The following SDHAF4 variants were observed in gnomAD, a reference collection of about 807,000 sequenced individuals.
SDHAF4 encodes the protein succinate dehydrogenase assembly factor 4, mitochondrial.
In SDHAF4, 14 loss-of-function variants were observed where a neutral mutation model predicts 14.3. That is an observed-to-expected ratio of 0.98 (90% CI 0.65 to 1.53). The LOEUF is 1.53. Among genes scored for constraint, SDHAF4 ranks in the 40% most tolerant of loss-of-function variants. SDHAF4 has a pLI of 0.00. For missense variants in SDHAF4, 141 were observed against 129.3 expected, an observed-to-expected ratio of 1.09 and a Z score of -0.44; for synonymous variants, 63 against 47.3, an observed-to-expected ratio of 1.33 and a Z score of -1.36.
chr6:70,571,228 T>C (rs775299415), intron 1 of SDHAF4, among the ~76,000 whole-genome samples: 2 of 152,246 alleles, frequency 1.3e-5, no homozygotes, highest in Non-Finnish European at 2.9e-5. Flanking sequence ...TCTGCTTTAA[T>C]CTGTTGAGGT....
intron 2 of SDHAF4, among the ~76,000 whole-genome samples, chr6:70,581,783 A>T (rs1006899893): frequency 1.4e-4 from 22 of 152,040 alleles, no homozygotes; most frequent in African/African-American, 5.1e-4. Context: ...AATTTAAAAA[A>T]TTTTTTTGTA....
chr6:70,583,610 G>A (rs530633906), intron 2 of SDHAF4, among the ~76,000 whole-genome samples: 77 of 152,204 alleles, frequency 5.1e-4, no homozygotes, highest in African/African-American at 1.8e-3. Context: ...TGGCTTCCCT[G>A]GGTCACATTG....
At chr6:70,569,206 C>G (rs958788214) in intron 1 of SDHAF4, among the ~76,000 whole-genome samples, 2 of 151,776 alleles carry the variant, frequency 1.3e-5, no homozygotes, top group East Asian at 1.9e-4. Flanking sequence ...CCTCGTGATC[C>G]GCCCGTCTCG....
At chr6:70,572,479 T>C (rs76911285) in intron 1 of SDHAF4, among the ~76,000 whole-genome samples, 26,368 of 152,078 alleles carry the variant, frequency 0.17, 2,357 homozygotes, top group Middle Eastern at 0.21. Flanking sequence ...ATATATTAGC[T>C]TGATTTAGCT....
intron 1 of SDHAF4, among the ~76,000 whole-genome samples, chr6:70,572,564 A>G (rs1026704415): frequency 6.6e-6 from 1 of 152,156 alleles, no homozygotes; most frequent in African/African-American, 2.4e-5. Flanking sequence ...TTAAAAAATG[A>G]AGACTATATT....
chr6:70,597,299 A>ATTTTTTTTTATTTTTTTT, the SDHAF4 span, among the ~76,000 whole-genome samples: 1 of 108,100 alleles, frequency 9.3e-6, no homozygotes, highest in Non-Finnish European at 1.8e-5. Context: ...CGCCTGGCTA[A>ATTTTTTTTTATTTTTTTT]TTTTTTTTTT....
At chr6:70,572,058 C>CTTTTTTTTTTTTTTTTTTTTTTT (rs66688860) in intron 1 of SDHAF4, among the ~76,000 whole-genome samples, 1 of 53,510 alleles carries the variant, frequency 1.9e-5, no homozygotes, top group Non-Finnish European at 3.2e-5. Context: ...CTTTTTTTGT[C>CTTTTTTTTTTTTTTTTTTTTTTT]TTTTTTTTTT....
chr6:70,593,987 G>T (rs147633403), downstream of SDHAF4, among the ~76,000 whole-genome samples: 1 of 152,130 alleles, frequency 6.6e-6, no homozygotes, highest in Non-Finnish European at 1.5e-5. Context: ...GAGACACTGC[G>T]CCTGGCTGAG....
At chr6:70,568,479 A>G (rs1420378042) in intron 1 of SDHAF4, among the ~76,000 whole-genome samples, 1 of 152,146 alleles carries the variant, frequency 6.6e-6, no homozygotes, top group African/African-American at 2.4e-5. Flanking sequence ...ATGTTTTCAT[A>G]TTGTTGATTT....
chr6:70,587,405 T>C (rs1387436045), intron 2 of SDHAF4, among the ~76,000 whole-genome samples: 1 of 152,044 alleles, frequency 6.6e-6, no homozygotes, highest in Non-Finnish European at 1.5e-5. Flanking sequence ...GGCAGGAGAA[T>C]TGCTTGAACC....
chr6:70,584,413 C>T (rs1765174673), intron 2 of SDHAF4, among the ~76,000 whole-genome samples: 1 of 152,190 alleles, frequency 6.6e-6, no homozygotes, highest in South Asian at 2.1e-4. Flanking sequence ...CTCTCCCCAC[C>T]TCCTCCCAGC....
At chr6:70,595,617 C>T in the SDHAF4 span, among the ~76,000 whole-genome samples, 1 of 152,136 alleles carries the variant, frequency 6.6e-6, no homozygotes, top group East Asian at 1.9e-4. Context: ...CTTGGTGGCT[C>T]ATGCCTGTAA....
At chr6:70,576,647 A>C (rs1802259109) in intron 1 of SDHAF4, among the ~76,000 whole-genome samples, 1 of 152,260 alleles carries the variant, frequency 6.6e-6, no homozygotes, top group Non-Finnish European at 1.5e-5. Context: ...TGACTAGAAT[A>C]TGAGAAAAAT....
chr6:70,569,501 A>G (rs921205027), intron 1 of SDHAF4, among the ~76,000 whole-genome samples: 3 of 150,138 alleles, frequency 2.0e-5, no homozygotes, highest in African/African-American at 7.4e-5. Context: ...GCCTCGGCCT[A>G]CCGAAGTGTT....
At chr6:70,584,483 A>C (rs1416736014) in intron 2 of SDHAF4, among the ~76,000 whole-genome samples, 2 of 152,200 alleles carry the variant, frequency 1.3e-5, no homozygotes, top group African/African-American at 4.8e-5. Context: ...TATATAAATG[A>C]AACTCTACAG....
At chr6:70,592,306 G>T (rs544602829), downstream of SDHAF4, among the ~76,000 whole-genome samples, 10 of 152,324 alleles carry the variant, frequency 6.6e-5, no homozygotes, top group East Asian at 1.9e-3. Context: ...GAGTTTGGAG[G>T]AGCAGGGTGG....
In SDHAF4 at chr6:70,589,072, C is replaced by G. The variant is rs1267895907; in HGVS notation, c.*348C>G. 2 of 154,296 alleles carry G rather than the reference C, an allele frequency of 1.3e-5. No individual in the cohort carries two copies. Among genetic ancestry groups the G allele is most frequent in the African/African-American group, 4.8e-5 (2 of 41,274 alleles). 9.6% of individuals were successfully genotyped at this position (154,296 alleles called of 1,614,324 possible). A position where few individuals can be genotyped will look rare whatever the true frequency, so the allele number is the denominator to read the frequency against. ...CTGAGGTCGCGCCATTGCACTCCAG[C>G]CTGGGCAACAAGAGCGAAACTCCGT... On this transcript the variant is annotated 3_prime_UTR_variant, in exon 3 of 3. Coordinates refer to ENST00000370474, the MANE Select transcript of SDHAF4 (RefSeq NM_145267.3).
In SDHAF4 at chr6:70,567,138, C is replaced by T. The variant is rs1046354096; in HGVS notation, c.64+134C>T. ...TTGCCAGGGGCTGCCCAGCTTCTCCCGCCCAGCCGCCCACCCGGTGGCCTG... is the reference window on the plus strand; with the variant it reads ...TTGCCAGGGGCTGCCCAGCTTCTCCTGCCCAGCCGCCCACCCGGTGGCCTG... On this transcript the variant is annotated intron_variant, in intron 1 of 2. Transcript: ENST00000370474. 8.3e-6 allele frequency: 7 copies of T among 838,400 alleles called. No homozygotes were observed. In the African/African-American group the frequency reaches 8.7e-5, roughly 10 times the overall value. The allele number at this position is 838,400 out of a possible 1,614,324, so 51.9% of individuals were successfully genotyped here. A position where few individuals can be genotyped will look rare whatever the true frequency, so the allele number is the denominator to read the frequency against.
downstream of SDHAF4, among the ~76,000 whole-genome samples, chr6:70,592,058 T>A (rs1330551764): frequency 6.6e-6 from 1 of 152,236 alleles, no homozygotes; most frequent in Non-Finnish European, 1.5e-5. Context: ...GCCTCAGGAC[T>A]CTGCAGAGAG....
Sources: allele counts gnomAD v4.1 joint callset (sites outside exome capture counted in the v4.1 genomes callset), GRCh38; gene constraint gnomAD v4.1.1; transcripts MANE v1.5; gene names NCBI Gene and HGNC (gene_info 2026-07-23, HGNC 2026-07-21).